Variants in TBX20 observed in about 807,000 individuals in gnomAD.
The protein encoded by TBX20 is T-box transcription factor 20.
Under a neutral mutation model 42.9 loss-of-function variants are expected in TBX20, and 8 were observed. The observed-to-expected ratio is 0.19, with a 90% CI of 0.11 to 0.34. The LOEUF is 0.34. Ranked by LOEUF, TBX20 falls within the 10% of genes least tolerant of loss-of-function variation. TBX20 has a pLI of 1.00. For synonymous variants in TBX20, 198 were observed against 222.8 expected, an observed-to-expected ratio of 0.89 and a Z score of 0.99; for missense variants, 411 against 566.0, an observed-to-expected ratio of 0.73 and a Z score of 2.78.
At position 35,253,795 on chromosome 7, in the gene TBX20, T is replaced by G; in HGVS notation, c.-175A>C. 147 of 726,534 alleles carry G rather than the reference T, an allele frequency of 2.0e-4. No homozygotes were observed. Among genetic ancestry groups the G allele is most frequent in the East Asian group, 4.4e-4 (15 of 34,446 alleles). The allele number at this position is 726,534 out of a possible 1,614,324, so 45.0% of individuals were successfully genotyped here. A position where few individuals can be genotyped will look rare whatever the true frequency, so the allele number is the denominator to read the frequency against. On this transcript the variant is annotated 5_prime_UTR_variant, in exon 1 of 8. Transcript: ENST00000408931. ...CTCCAGAGCTGCACACTGGCCTCTATTCCCCACCGCAAAGCCCCAGAGCCG... is the reference window on the plus strand; with the variant it reads ...CTCCAGAGCTGCACACTGGCCTCTAGTCCCCACCGCAAAGCCCCAGAGCCG...
At chr7:35,233,148 G>A (rs1200896448) in intron 5 of TBX20, among the ~76,000 whole-genome samples, 1 of 152,144 alleles carries the variant, frequency 6.6e-6, no homozygotes, top group Non-Finnish European at 1.5e-5. Context: ...AAGAAATGTG[G>A]TTTTTTCTTT....
At chr7:35,227,069 A>C (rs889886704) in intron 6 of TBX20, among the ~76,000 whole-genome samples, 2 of 151,784 alleles carry the variant, frequency 1.3e-5, no homozygotes, top group Non-Finnish European at 2.9e-5. Flanking sequence ...TTTAACAAAA[A>C]TGTTTAAAAA....
Position 35,253,841 on chromosome 7 carries a change from G to A in TBX20, c.-221C>T, listed in dbSNP as rs1790356815. ...AGCCGCAGAGACTTCGAAGGCAGCC[G>A]GAGAGGAGAGGGCCCACCGAGCACT... On this transcript the variant is annotated 5_prime_UTR_variant, in exon 1 of 8. Transcript: ENST00000408931. 1.0e-5 allele frequency: 6 copies of A among 582,720 alleles called. No individual in the cohort carries two copies. Among genetic ancestry groups the A allele is most frequent in the Non-Finnish European group, 1.5e-5 (5 of 337,320 alleles). 36.1% of individuals were successfully genotyped at this position (582,720 alleles called of 1,614,324 possible). A position where few individuals can be genotyped will look rare whatever the true frequency, so the allele number is the denominator to read the frequency against.
chr7:35,245,851 T>C lies in TBX20; in HGVS notation c.546-794A>G, dbSNP rs1790173402. On this transcript the variant is annotated intron_variant, in intron 3 of 7. Transcript: ENST00000408931. ...CCTGTGACAACGCCTTAAATGCAGCTCTTTGTAAGTCCCCATCCTGGTATC... is the reference window on the plus strand; with the variant it reads ...CCTGTGACAACGCCTTAAATGCAGCCCTTTGTAAGTCCCCATCCTGGTATC... Among the ~76,000 whole-genome samples, 8 of 152,228 alleles carry C rather than the reference T, an allele frequency of 5.3e-5. 1 individual carries two copies. Among genetic ancestry groups the C allele is most frequent in the Admixed American group, 5.2e-4 (8 of 15,282 alleles).
At position 35,206,570 on chromosome 7, in the gene TBX20, G is replaced by C. The variant is rs1217436985; in HGVS notation, c.891-1988C>G. 5.3e-5 allele frequency among the ~76,000 whole-genome samples: 8 copies of C among 152,138 alleles called. No homozygotes were observed. The South Asian group carries it at 1.7e-3, about 32-fold the overall frequency. ...TTAAAAAAATAAAAATAGAAATAAA[G>C]TGTATAGTTTGATCAGTTTGGGCAT... is the stretch of plus-strand genomic sequence containing the variant. On this transcript the variant is annotated intron_variant, in intron 6 of 7. Transcript: ENST00000408931.
intron 6 of TBX20, among the ~76,000 whole-genome samples, chr7:35,214,166 T>C (rs1274501163): frequency 1.3e-5 from 2 of 152,150 alleles, no homozygotes; most frequent in African/African-American, 4.8e-5. Flanking sequence ...GGTAAAAATA[T>C]TTTATCCTCT....
chr7:35,215,173 C>T (rs1242760799), intron 6 of TBX20, among the ~76,000 whole-genome samples: 1 of 152,258 alleles, frequency 6.6e-6, no homozygotes, highest in East Asian at 1.9e-4. Context: ...TCATTACTTA[C>T]GCTAGTCTCT....
chr7:35,250,914 C>A (rs1790293265), intron 1 of TBX20, among the ~76,000 whole-genome samples: 1 of 152,136 alleles, frequency 6.6e-6, no homozygotes, highest in Non-Finnish European at 1.5e-5. Flanking sequence ...GTTCTGTGGG[C>A]CATTTTCAGA....
Position 35,253,685 on chromosome 7 carries a change from G to C in TBX20, c.-65C>G, listed in dbSNP as rs1474884170. On this transcript the variant is annotated 5_prime_UTR_variant, in exon 1 of 8. Coordinates refer to ENST00000408931, the MANE Select transcript of TBX20 (RefSeq NM_001077653.2). The stretch of plus-strand genomic sequence containing the variant: ...CGAACTGCCGTCCAGATTCCCCAAG[G>C]GAGACAAAGACCCGAAACACAGCTC... 6.3e-7 allele frequency: 1 copy of C among 1,581,156 alleles called. No homozygotes were observed. The highest frequency in any genetic ancestry group is 1.8e-5 in the Admixed American group (1 of 56,676).
At chr7:35,214,602 C>T (rs1357859769) in intron 6 of TBX20, among the ~76,000 whole-genome samples, 1 of 152,048 alleles carries the variant, frequency 6.6e-6, no homozygotes, top group East Asian at 1.9e-4. Flanking sequence ...TAATGTTGAA[C>T]CCCAGCAGCC....
chr7:35,248,219 T>A (rs1248584942), intron 3 of TBX20, among the ~76,000 whole-genome samples: 1 of 152,208 alleles, frequency 6.6e-6, no homozygotes, highest in African/African-American at 2.4e-5. Flanking sequence ...TTGTTTATTA[T>A]ATGCAGTTAT....
At chr7:35,242,823 T>A (rs1362207) in intron 4 of TBX20, among the ~76,000 whole-genome samples, 61,426 of 151,964 alleles carry the variant, frequency 0.4, 12,598 homozygotes, top group Admixed American at 0.47. Context: ...CTTGAGAATA[T>A]GAAAGTTTCC....
intron 4 of TBX20, among the ~76,000 whole-genome samples, chr7:35,244,286 T>C (rs1790138587): frequency 6.6e-6 from 1 of 152,252 alleles, no homozygotes; most frequent in East Asian, 1.9e-4. Context: ...CTATTTGTTC[T>C]ATTAAACTAC....
chr7:35,251,263 T>C (rs1790299515), intron 1 of TBX20, among the ~76,000 whole-genome samples: 1 of 152,194 alleles, frequency 6.6e-6, no homozygotes, highest in African/African-American at 2.4e-5. Context: ...CAAAGCCAGT[T>C]CTAAATGTAT....
intron 6 of TBX20, among the ~76,000 whole-genome samples, chr7:35,206,257 T>C (rs536752947): frequency 6.6e-6 from 1 of 152,324 alleles, no homozygotes; most frequent in African/African-American, 2.4e-5. Context: ...TTAAAGTGTA[T>C]GGGGCCGGAG....
chr7:35,228,294 A>G (rs1186581135), intron 6 of TBX20, among the ~76,000 whole-genome samples: 1 of 152,122 alleles, frequency 6.6e-6, no homozygotes, highest in East Asian at 1.9e-4. Context: ...AAGCCAATAA[A>G]AAGTGTGCTG....
intron 6 of TBX20, among the ~76,000 whole-genome samples, chr7:35,218,894 A>G (rs1789634297): frequency 6.6e-6 from 1 of 152,190 alleles, no homozygotes. Context: ...AGCCTGAGGA[A>G]GCTTACTTGC....
At chr7:35,206,420 CA>C (rs1789401931) in intron 6 of TBX20, among the ~76,000 whole-genome samples, 1 of 152,064 alleles carries the variant, frequency 6.6e-6, no homozygotes, top group Non-Finnish European at 1.5e-5. Flanking sequence ...TGGTGGTGGG[CA>C]CCTATAAACC....
At chr7:35,209,493 T>G (rs1789458085) in intron 6 of TBX20, among the ~76,000 whole-genome samples, 1 of 152,196 alleles carries the variant, frequency 6.6e-6, no homozygotes, top group South Asian at 2.1e-4. Context: ...TTTTAATACC[T>G]GTAGAATCTG....
Sources: gnomAD v4.1 joint callset for allele counts (sites outside exome capture counted in the v4.1 genomes callset) on GRCh38, gnomAD v4.1.1 for gene constraint, MANE v1.5 for transcripts, NCBI Gene and HGNC (gene_info 2026-07-23, HGNC 2026-07-21) for gene names.